NCLN: variants seen among roughly 807,000 people sequenced by gnomAD.
NCLN encodes the protein BOS complex subunit NCLN.
In NCLN, 34 loss-of-function variants were observed where a neutral mutation model predicts 69.5. The ratio of observed to expected loss-of-function variants is 0.49; its 90% confidence interval spans 0.37 to 0.65. NCLN has a LOEUF of 0.65. Ranked by LOEUF, NCLN falls within the 30% of genes least tolerant of loss-of-function variation. The probability of loss-of-function intolerance (pLI) is 0.00; values close to 1 mark genes in which losing one functional copy is unlikely to be tolerated. For missense variants in NCLN, 710 were observed against 804.8 expected, an observed-to-expected ratio of 0.88 and a Z score of 1.42; for synonymous variants, 393 against 358.3, an observed-to-expected ratio of 1.10 and a Z score of -1.09.
chr19:3,196,207 A>G lies in NCLN; in HGVS notation c.545A>G (p.Asn182Ser), dbSNP rs745739355. 3.3e-5 allele frequency: 51 copies of G among 1,554,938 alleles called. No homozygotes were observed. Among genetic ancestry groups the G allele is most frequent in the African/African-American group, 1.5e-4 (11 of 73,276 alleles). ...AEVLLRTATANGFQMVTSGVQ... is the reference protein window; with the variant it reads ...AEVLLRTATASGFQMVTSGVQ... ...GTACTGCTGCGCACGGCCACTGCCA[A>G]CGGCTTCCAGATGGTCACCAGCGGG... The change falls in exon 4 of 15, where the codon AAC becomes AGC. Residue 182 changes from asparagine to serine, a missense_variant. By Grantham distance (46) the Asn-to-Ser change is conservative (BLOSUM62 1). Transcript: ENST00000246117.
intron 1 of NCLN, among the ~76,000 whole-genome samples, chr19:3,187,504 G>A (rs2144891179): frequency 6.6e-6 from 1 of 152,322 alleles, no homozygotes; most frequent in Non-Finnish European, 1.5e-5. Flanking sequence ...CCCTTGGGGA[G>A]CCCATCTCTG....
intron 3 of NCLN, 142 bp from the exon 4 acceptor site, chr19:3,196,041 G>GT: frequency 1.9e-6 from 1 of 518,026 alleles, no homozygotes; most frequent in South Asian, 2.8e-5. Context: ...GCATCCTGTG[G>GT]TATCGAAATC....
Position 3,199,689 on chromosome 19 carries a change from C to CTTTT in NCLN, c.696+816_696+819dup, listed in dbSNP as rs71164662. 1.1e-3 allele frequency among the ~76,000 whole-genome samples: 78 copies of CTTTT among 69,544 alleles called. 7 individuals are homozygous for CTTTT. The highest frequency in any genetic ancestry group is 3.6e-3 in the African/African-American group (53 of 14,564). 45.6% of individuals were successfully genotyped at this position (69,544 alleles called of 152,430 possible). On this transcript the variant is annotated intron_variant, in intron 5 of 14. Transcript: ENST00000246117. ...GTGTCAACCAGCACCCTGCCTCCTC[C>CTTTT]TTTTTTTTTTTTTTTTTTTTTTTTT...
intron 4 of NCLN, among the ~76,000 whole-genome samples, chr19:3,198,244 C>T (rs1215781506): frequency 6.6e-6 from 1 of 152,118 alleles, no homozygotes; most frequent in Non-Finnish European, 1.5e-5. Context: ...CGGTGGCTCA[C>T]ACCTGTAATC....
At chr19:3,207,545 C>T (rs1183845742) in intron 14 of NCLN, 76 bp downstream of exon 14, 17 of 1,606,824 alleles carry the variant, frequency 1.1e-5, no homozygotes, top group Non-Finnish European at 2.6e-6. Flanking sequence ...CCAAGTGCAT[C>T]CTGGCCCCTG....
chr19:3,195,748 G>A (rs1229550836), intron 3 of NCLN, among the ~76,000 whole-genome samples: 5 of 152,040 alleles, frequency 3.3e-5, no homozygotes, highest in Non-Finnish European at 7.4e-5. Context: ...CCATGTTTGC[G>A]TCACTGTACT....
At chr19:3,202,965 C>T (rs899799194) in intron 6 of NCLN, among the ~76,000 whole-genome samples, 1 of 152,072 alleles carries the variant, frequency 6.6e-6, no homozygotes, top group Non-Finnish European at 1.5e-5. Flanking sequence ...AGGGGGCGTG[C>T]TGAGCAGTTT....
intron 8 of NCLN, 57 bp downstream of exon 8, chr19:3,204,201 C>G: frequency 6.8e-7 from 1 of 1,461,720 alleles, no homozygotes; most frequent in Non-Finnish European, 9.0e-7. Flanking sequence ...ACATCGGGGC[C>G]GGGTTGGGGC....
In NCLN at chr19:3,207,853, T is replaced by C; in HGVS notation, c.*165T>C. The C allele has an allele frequency of 1.6e-6, 1 of 607,466 alleles. No homozygotes were observed. Among genetic ancestry groups the C allele is most frequent in the Non-Finnish European group, 3.0e-6 (1 of 338,010 alleles). 37.6% of individuals were successfully genotyped at this position (607,466 alleles called of 1,614,324 possible). A position where few individuals can be genotyped will look rare whatever the true frequency, so the allele number is the denominator to read the frequency against. On this transcript the variant is annotated 3_prime_UTR_variant, in exon 15 of 15. Transcript: ENST00000246117. ...ATTACAGAGCTTTTTTCTGTTGCTC[T>C]CCGAGACTGGGGGGGGATTGTTTCT...
intron 3 of NCLN, among the ~76,000 whole-genome samples, chr19:3,193,725 C>T (rs905953355): frequency 5.9e-5 from 9 of 152,192 alleles, no homozygotes; most frequent in African/African-American, 1.9e-4. Flanking sequence ...CTCAGGGGCT[C>T]GGGGTTTATG....
intron 1 of NCLN, among the ~76,000 whole-genome samples, chr19:3,188,194 G>T (rs1379882932): frequency 1.3e-5 from 2 of 151,008 alleles, no homozygotes; most frequent in African/African-American, 4.9e-5. Context: ...CCTCCCTCCA[G>T]CCCCCCGGGC....
At chr19:3,190,628 C>T (rs1468461031) in intron 1 of NCLN, among the ~76,000 whole-genome samples, 1 of 152,198 alleles carries the variant, frequency 6.6e-6, no homozygotes, top group African/African-American at 2.4e-5. Context: ...CCAGCATCCA[C>T]CTTCAGAGCG....
At chr19:3,207,047 C>A in intron 12 of NCLN, 151 bp from the exon 13 acceptor site, 2 of 880,844 alleles carry the variant, frequency 2.3e-6, no homozygotes, top group South Asian at 1.4e-5. Flanking sequence ...TGGTCTTGAA[C>A]TCTTGACTTC....
chr19:3,197,969 C>T (rs1916012731), intron 4 of NCLN, among the ~76,000 whole-genome samples: 1 of 152,216 alleles, frequency 6.6e-6, no homozygotes, highest in African/African-American at 2.4e-5. Context: ...CATGTGCAAG[C>T]CGTCCATGGC....
Position 3,205,700 on chromosome 19 carries a change from G to A in NCLN, c.1209-239G>A. On this transcript the variant is annotated intron_variant, in intron 9 of 14. Coordinates refer to ENST00000246117, the MANE Select transcript of NCLN (RefSeq NM_020170.4). This position sits in a 1 kb window ranked among gnomAD's most constrained non-coding sequence, Gnocchi z 4.6. ...CGAGTCAGAAGGAACCAAGGCCTCA[G>A]GGCGTGAGCCTTACCTGCGCACAGG... 1 of 530,202 alleles carries A rather than the reference G, an allele frequency of 1.9e-6. No homozygotes were observed. Among genetic ancestry groups the A allele is most frequent in the Non-Finnish European group, 3.3e-6 (1 of 299,222 alleles). The allele number at this position is 530,202 out of a possible 1,614,324, so 32.8% of individuals were successfully genotyped here.
chr19:3,205,084 G>T lies in NCLN; in HGVS notation c.1208+333G>T, dbSNP rs1400227929. On this transcript the variant is annotated intron_variant, in intron 9 of 14. Transcript: ENST00000246117. The surrounding 1 kb of genome is among the most constrained non-coding windows in gnomAD (Gnocchi z 4.6). ...AGCCCGAAAGTCCTGCCTGGCCCCG[G>T]CCACCGTCTTGGGGAGCCTGGCCCG... Among the ~76,000 whole-genome samples the T allele has an allele frequency of 6.6e-6, 1 of 152,102 alleles. No individual in the cohort carries two copies. Among genetic ancestry groups the T allele is most frequent in the Non-Finnish European group, 1.5e-5 (1 of 67,990 alleles).
rs201578716 is a variant in NCLN, at chr19:3,196,310, G to T, written c.615+33G>T. 5 of 1,458,314 alleles carry T rather than the reference G, an allele frequency of 3.4e-6. No individual in the cohort carries two copies. In the South Asian group the frequency reaches 5.0e-5, roughly 15 times the overall value. The allele number at this position is 1,458,314 out of a possible 1,614,324, so 90.3% of individuals were successfully genotyped here. On this transcript the variant is annotated intron_variant, in intron 4 of 14. Coordinates refer to ENST00000246117, the MANE Select transcript of NCLN (RefSeq NM_020170.4). ...CCGCCTGCCCCGGAGCCAGCCCCACGTCCCCAGGGGTTCCTGCCATCCGCC... is the reference window on the plus strand; with the variant it reads ...CCGCCTGCCCCGGAGCCAGCCCCACTTCCCCAGGGGTTCCTGCCATCCGCC...
chr19:3,189,768 A>G (rs1048918029), intron 1 of NCLN, among the ~76,000 whole-genome samples: 37 of 152,348 alleles, frequency 2.4e-4, no homozygotes, highest in African/African-American at 7.9e-4. Context: ...ACCCAAGGCC[A>G]TCTGTTCTCC....
At chr19:3,196,134 C>CT (rs755122974) in intron 3 of NCLN, 49 bp from the exon 4 acceptor site, 2 of 1,406,570 alleles carry the variant, frequency 1.4e-6, no homozygotes, top group South Asian at 2.6e-5. Context: ...TGCCCCCTGG[C>CT]TGGGGCCCTG....
Sources: gnomAD v4.1 joint callset for allele counts (sites outside exome capture counted in the v4.1 genomes callset) on GRCh38, gnomAD v4.1.1 for gene constraint, Gnocchi (gnomAD v3.1) non-coding constraint, MANE v1.5 for transcripts, NCBI Gene and HGNC (gene_info 2026-07-23, HGNC 2026-07-21) for gene names.